Variants in TTLL5 observed in about 807,000 individuals in gnomAD.
TTLL5 encodes tubulin polyglutamylase TTLL5.
In TTLL5, 132 loss-of-function variants were observed where a neutral mutation model predicts 168.4. That is an observed-to-expected ratio of 0.78 (90% confidence interval 0.68 to 0.91). TTLL5 has a LOEUF of 0.91. Among genes scored for constraint, TTLL5 ranks in the 40% least tolerant of loss-of-function variants. TTLL5 has a pLI of 0.00. For missense variants in TTLL5, 1,545 were observed against 1,581.5 expected (o/e 0.98, Z 0.39); for synonymous variants, 546 against 558.6 (o/e 0.98, Z 0.32).
Position 75,749,535 on chromosome 14 carries a change from A to C in TTLL5, c.1488-3358A>C, listed in dbSNP as rs373155265. On this transcript the variant is annotated intron_variant, in intron 17 of 31. Coordinates refer to ENST00000298832, the MANE Select transcript of TTLL5 (RefSeq NM_015072.5). ...TCCTATTGTAAGCAAGGTTGGTCTGAGCCATGTATGGGGAGTGCTGACCCT... is the reference window on the plus strand; with the variant it reads ...TCCTATTGTAAGCAAGGTTGGTCTGCGCCATGTATGGGGAGTGCTGACCCT... Among the ~76,000 whole-genome samples the C allele has an allele frequency of 4.2e-5, 6 of 141,396 alleles. No individual in the cohort carries two copies. The East Asian group carries it at 1.2e-3, about 29-fold the overall frequency. 92.8% of individuals were successfully genotyped at this position (141,396 alleles called of 152,430 possible). A position where few individuals can be genotyped will look rare whatever the true frequency, so the allele number is the denominator to read the frequency against.
rs1353147889 is a variant in TTLL5, at chr14:75,707,688, T to A, written c.721T>A (p.Tyr241Asn). Residue 241 changes from tyrosine to asparagine, a missense_variant, in exon 9 of 32, where the codon TAT becomes AAT. Transcript: ENST00000298832. ...CTATGATCCTCTTGTCATCTATCTC[T>A]ATGAAGAAGGATTGGCTAGGTAAGA... is the stretch of plus-strand genomic sequence containing the variant. The part of the protein sequence containing the change: ...TSYDPLVIYL[Y>N]EEGLARFATV... 2 of 1,612,986 alleles carry A rather than the reference T, an allele frequency of 1.2e-6. No homozygotes were observed. Among genetic ancestry groups the A allele is most frequent in the Non-Finnish European group, 1.7e-6 (2 of 1,179,356 alleles).
At chr14:75,931,230 G>A (rs924367334) in intron 31 of TTLL5, among the ~76,000 whole-genome samples, 5 of 151,852 alleles carry the variant, frequency 3.3e-5, no homozygotes, top group Admixed American at 2.6e-4. Context: ...ACCTCTAGAC[G>A]TGTCTCCTGA....
chr14:75,692,795 T>G (rs1885553811), intron 6 of TTLL5, among the ~76,000 whole-genome samples: 1 of 152,046 alleles, frequency 6.6e-6, no homozygotes, highest in African/African-American at 2.4e-5. Context: ...AAGGAGGAGC[T>G]GTTAAAGGGG....
At chr14:75,667,824 G>A (rs900245117) in intron 2 of TTLL5, among the ~76,000 whole-genome samples, 4 of 139,132 alleles carry the variant, frequency 2.9e-5, no homozygotes, top group African/African-American at 7.9e-5. Flanking sequence ...GTAGTGGCAC[G>A]ATCTTGGTTC....
intron 24 of TTLL5, 84 bp from the exon 25 acceptor site, chr14:75,782,403 T>C (rs534355560): frequency 9.2e-7 from 1 of 1,092,868 alleles, no homozygotes; most frequent in Admixed American, 2.4e-5. Context: ...AGTTGTGTTA[T>C]ATTTTTGGGA....
Position 75,882,771 on chromosome 14 carries a change from T to A in TTLL5, c.3609T>A (p.Ala1203=), listed in dbSNP as rs142001629. 3 of 1,613,946 alleles carry A rather than the reference T, an allele frequency of 1.9e-6. No individual in the cohort carries two copies. Among genetic ancestry groups the A allele is most frequent in the Non-Finnish European group, 2.5e-6 (3 of 1,179,994 alleles). The stretch of plus-strand genomic sequence containing the variant: ...GTTGTAGAATTTCCAGTGCCACAGC[T>A]AGTGGCCAGAAGCCAACCACTCTGC... ...GAGCRISSAT[A]SGQKPTTLPQ... The change falls in exon 30 of 32, where the codon GCT becomes GCA. Residue 1203 remains alanine (A), a synonymous_variant. Coordinates refer to ENST00000298832, the MANE Select transcript of TTLL5 (RefSeq NM_015072.5).
chr14:75,680,031 A>G (rs999064219), intron 3 of TTLL5, among the ~76,000 whole-genome samples: 20 of 152,246 alleles, frequency 1.3e-4, no homozygotes, highest in Admixed American at 1.2e-3. Context: ...ATATTGTTCT[A>G]GAGTCTGTCC....
chr14:75,765,404 C>T (rs568673860), intron 19 of TTLL5, among the ~76,000 whole-genome samples: 5 of 152,174 alleles, frequency 3.3e-5, no homozygotes, highest in Admixed American at 2.6e-4. Flanking sequence ...TTTATACCTC[C>T]GTGAAGGGTG....
intron 27 of TTLL5, among the ~76,000 whole-genome samples, chr14:75,793,619 G>A (rs1263039829): frequency 6.6e-6 from 1 of 152,158 alleles, no homozygotes; most frequent in Non-Finnish European, 1.5e-5. Context: ...ACCTGAGGCT[G>A]AAATAAGTGA....
At chr14:75,768,498 T>C (rs1158087459) in intron 20 of TTLL5, among the ~76,000 whole-genome samples, 1 of 152,106 alleles carries the variant, frequency 6.6e-6, no homozygotes, top group Non-Finnish European at 1.5e-5. Context: ...CGGATTTTTT[T>C]TTTTTCTTTT....
chr14:75,780,023 G>C (rs922678866), intron 24 of TTLL5, among the ~76,000 whole-genome samples: 4 of 152,150 alleles, frequency 2.6e-5, no homozygotes, highest in Admixed American at 6.5e-5. Context: ...AAACCATATA[G>C]AGTGGGCACT....
chr14:75,867,027 A>C (rs1290086855), intron 29 of TTLL5, among the ~76,000 whole-genome samples: 1 of 152,242 alleles, frequency 6.6e-6, no homozygotes, highest in African/African-American at 2.4e-5. Flanking sequence ...AGTTTGAAAA[A>C]CATTGTTTTA....
At chr14:75,869,821 A>ATGTTTTTTTTTTTTTTT (rs2030863321) in intron 29 of TTLL5, among the ~76,000 whole-genome samples, 1 of 82,416 alleles carries the variant, frequency 1.2e-5, no homozygotes, top group Non-Finnish European at 2.1e-5. Context: ...TTCAACAAGT[A>ATGTTTTTTTTTTTTTTT]TTTTTTTTTT....
At chr14:75,882,597 C>T in intron 29 of TTLL5, 88 bp from the exon 30 acceptor site, 1 of 1,217,112 alleles carries the variant, frequency 8.2e-7, no homozygotes, top group Non-Finnish European at 1.1e-6. Context: ...TCTTTTTGCC[C>T]CTTGACAGGA....
intron 26 of TTLL5, among the ~76,000 whole-genome samples, chr14:75,789,885 G>A (rs1170811483): frequency 6.6e-6 from 1 of 152,074 alleles, no homozygotes; most frequent in African/African-American, 2.4e-5. Context: ...ATAATAGAAA[G>A]GCAAAGAGCC....
At position 75,902,134 on chromosome 14, in the gene TTLL5, T is replaced by G. The variant is rs751842648; in HGVS notation, c.3741-8T>G. ...CTGCAGGTCTGACCAAGCTCCTTTG[T>G]GTTTCAGAGGGTCCTCCGCGGAAGG... On this transcript the variant is annotated splice_polypyrimidine_tract_variant and splice_region_variant and intron_variant, in intron 30 of 31. Coordinates refer to ENST00000298832, the MANE Select transcript of TTLL5 (RefSeq NM_015072.5). The G allele has an allele frequency of 4.3e-6, 7 of 1,614,122 alleles. No homozygotes were observed. Among genetic ancestry groups the G allele is most frequent in the Non-Finnish European group, 5.9e-6 (7 of 1,179,982 alleles).
rs796847723 is a variant in TTLL5, at chr14:75,938,030, G to T, written c.3824-16394G>T. Among the ~76,000 whole-genome samples the T allele has an allele frequency of 5.9e-5, 9 of 152,258 alleles. 1 individual carries two copies. The highest frequency in any genetic ancestry group is 2.2e-4 in the African/African-American group (9 of 41,544). On this transcript the variant is annotated intron_variant, in intron 31 of 31. Coordinates refer to ENST00000298832, the MANE Select transcript of TTLL5 (RefSeq NM_015072.5). ...TCTCACTAACACTTGTTATTTTATG[G>T]TTATTTTAAATGTTTATGTTTTGAT...
chr14:75,938,125 T>C (rs1219596719), intron 31 of TTLL5, among the ~76,000 whole-genome samples: 1 of 152,220 alleles, frequency 6.6e-6, no homozygotes, highest in Non-Finnish European at 1.5e-5. Flanking sequence ...ACTAGTGCCA[T>C]TTATAAAATT....
intron 31 of TTLL5, among the ~76,000 whole-genome samples, chr14:75,942,472 G>T (rs902719102): frequency 6.6e-6 from 1 of 152,198 alleles, no homozygotes; most frequent in African/African-American, 2.4e-5. Flanking sequence ...CAGCACTTAA[G>T]AGTGTAGCAG....
Sources: allele counts gnomAD v4.1 joint callset (sites outside exome capture counted in the v4.1 genomes callset), GRCh38; gene constraint gnomAD v4.1.1; transcripts MANE v1.5; gene names NCBI Gene and HGNC (gene_info 2026-07-23, HGNC 2026-07-21).